The following PBLD variants were observed in gnomAD, a reference collection of about 807,000 sequenced individuals.
PBLD encodes the protein phenazine biosynthesis like protein domain containing.
Under a neutral mutation model 31.3 loss-of-function variants are expected in PBLD, and 26 were observed. That is an observed-to-expected ratio of 0.83 (90% CI 0.61 to 1.15). The LOEUF (loss-of-function observed/expected upper bound fraction) is 1.15. Among genes scored for constraint, PBLD ranks in the 50% most tolerant of loss-of-function variants. PBLD has a pLI of 0.00. For synonymous variants in PBLD, 114 were observed against 129.0 expected, an observed-to-expected ratio of 0.88 and a Z score of 0.79; for missense variants, 307 against 351.7, an observed-to-expected ratio of 0.87 and a Z score of 1.02.
intron 1 of PBLD, among the ~76,000 whole-genome samples, chr10:68,311,362 G>A (rs1332500006): frequency 1.3e-5 from 2 of 152,090 alleles, no homozygotes; most frequent in Non-Finnish European, 2.9e-5. Context: ...TGAGGCAGGT[G>A]GATCACAAGG....
At chr10:68,324,156 CTTTTT>C (rs200031349) in intron 1 of PBLD, among the ~76,000 whole-genome samples, 1 of 146,226 alleles carries the variant, frequency 6.8e-6, no homozygotes, top group Non-Finnish European at 1.5e-5. Context: ...TCCTAATTTT[CTTTTT>C]TTTTTTTGAG....
chr10:68,309,852 T>C (rs1398434558), intron 1 of PBLD, among the ~76,000 whole-genome samples: 1 of 147,784 alleles, frequency 6.8e-6, no homozygotes, highest in African/African-American at 2.5e-5. Context: ...TATAAATATG[T>C]AGGCCAGGCA....
At chr10:68,284,607 G>A (rs1201074536) in intron 9 of PBLD, among the ~76,000 whole-genome samples, 1 of 152,166 alleles carries the variant, frequency 6.6e-6, no homozygotes, top group Non-Finnish European at 1.5e-5. Context: ...CTCTCTAGGA[G>A]TAAGCAAAGA....
intron 8 of PBLD, among the ~76,000 whole-genome samples, chr10:68,286,008 C>T (rs1324975681): frequency 2.0e-5 from 3 of 151,502 alleles, no homozygotes; most frequent in South Asian, 2.1e-4. Flanking sequence ...CTGAATTAGA[C>T]TGCAGGTTTT....
intron 4 of PBLD, chr10:68,295,920 C>A: frequency 6.3e-6 from 1 of 159,766 alleles, no homozygotes; most frequent in East Asian, 1.8e-4. Context: ...AAGATCGTGC[C>A]ATTGCTCTCC....
chr10:68,285,514 C>G, intron 8 of PBLD, 104 bp from the exon 9 acceptor site: 1 of 1,442,934 alleles, frequency 6.9e-7, no homozygotes, highest in Non-Finnish European at 9.2e-7. Flanking sequence ...TGAATAAACT[C>G]TAGATCACCT....
In PBLD at chr10:68,305,164, A is replaced by T. The variant is rs181403547; in HGVS notation, c.84+1597T>A. Among the ~76,000 whole-genome samples the T allele has an allele frequency of 1.1e-4, 16 of 152,280 alleles. No individual in the cohort carries two copies. In the East Asian group the frequency reaches 2.7e-3, roughly 26 times the overall value. ...CACTTGAATCCAGGAGTTTGAGACC[A>T]GCCTGCTCAATTTAGCGAGACCACA... is the stretch of plus-strand genomic sequence containing the variant. On this transcript the variant is annotated intron_variant, in intron 2 of 9. Coordinates refer to ENST00000358769, the MANE Select transcript of PBLD (RefSeq NM_022129.4).
rs2045269199 is a variant in PBLD, at chr10:68,332,871, A to G, written c.-147T>C. 1 of 152,442 alleles carries G rather than the reference A, an allele frequency of 6.6e-6. No individual in the cohort carries two copies. The highest frequency in any genetic ancestry group is 6.5e-5 in the Admixed American group (1 of 15,304). The allele number at this position is 152,442 out of a possible 1,614,324, so 9.4% of individuals were successfully genotyped here. On this transcript the variant is annotated 5_prime_UTR_variant, in exon 1 of 10. Coordinates refer to ENST00000358769, the MANE Select transcript of PBLD (RefSeq NM_022129.4). ...TGGGGGAGGAAAGCCAATGGCGACG[A>G]AGGTGCTCAACTCCCAAATCCAGGA... is the stretch of plus-strand genomic sequence containing the variant.
At chr10:68,316,186 G>T (rs530591967) in intron 1 of PBLD, among the ~76,000 whole-genome samples, 85 of 152,268 alleles carry the variant, frequency 5.6e-4, no homozygotes, top group African/African-American at 2.0e-3. Flanking sequence ...CATTAAATCA[G>T]CTGTAGTTAA....
intron 1 of PBLD, among the ~76,000 whole-genome samples, chr10:68,324,600 C>T (rs1031575411): frequency 5.5e-5 from 8 of 146,522 alleles, no homozygotes; most frequent in South Asian, 2.2e-4. Flanking sequence ...ATCTACCCTC[C>T]ACACTTTATT....
Position 68,310,365 on chromosome 10 carries a change from G to GTATATATATATATATATA in PBLD, c.-59-3480_-59-3463dup, listed in dbSNP as rs34887418. ...ATCATGTACAATATAATGTTTTGAA[G>GTATATATATATATATATA]TATATATATATATATATATACACAT... On this transcript the variant is annotated intron_variant, in intron 1 of 9. Transcript: ENST00000358769. Among the ~76,000 whole-genome samples the GTATATATATATATATATA allele has an allele frequency of 1.2e-3, 174 of 140,322 alleles. 2 individuals carry two copies. Among genetic ancestry groups the GTATATATATATATATATA allele is most frequent in the African/African-American group, 1.9e-3 (72 of 38,070 alleles). 92.1% of individuals were successfully genotyped at this position (140,322 alleles called of 152,430 possible).
chr10:68,289,060 G>T, intron 6 of PBLD, 41 bp from the exon 7 acceptor site: 2 of 1,489,522 alleles, frequency 1.3e-6, no homozygotes, highest in South Asian at 2.3e-5. Context: ...ACATGCCCTG[G>T]GCCAAGTCCT....
intron 4 of PBLD, among the ~76,000 whole-genome samples, chr10:68,294,663 G>A (rs1564726922): frequency 6.6e-6 from 1 of 152,194 alleles, no homozygotes; most frequent in Non-Finnish European, 1.5e-5. Context: ...CACGGATTTG[G>A]CCTAGGCCTT....
chr10:68,285,173 G>A lies in PBLD; in HGVS notation c.754+175C>T. ...TCTCTGTATGTTGGGGGAGGCAGAGGTGAAGGCTGTTTGGGGTGGAGGATC... is the reference window on the plus strand; with the variant it reads ...TCTCTGTATGTTGGGGGAGGCAGAGATGAAGGCTGTTTGGGGTGGAGGATC... On this transcript the variant is annotated intron_variant, in intron 9 of 9. Coordinates refer to ENST00000358769, the MANE Select transcript of PBLD (RefSeq NM_022129.4). The A allele has an allele frequency of 2.7e-6, 4 of 1,460,452 alleles. No individual in the cohort carries two copies. In the South Asian group the frequency reaches 4.4e-5, roughly 16 times the overall value. The allele number at this position is 1,460,452 out of a possible 1,614,324, so 90.5% of individuals were successfully genotyped here.
chr10:68,315,260 C>G (rs1237433774), intron 1 of PBLD, among the ~76,000 whole-genome samples: 2 of 152,064 alleles, frequency 1.3e-5, no homozygotes, highest in African/African-American at 4.8e-5. Flanking sequence ...TAAGGAATAG[C>G]AAGGGAATGA....
chr10:68,319,512 G>A (rs1043604855), intron 1 of PBLD, among the ~76,000 whole-genome samples: 2 of 152,046 alleles, frequency 1.3e-5, no homozygotes, highest in African/African-American at 2.4e-5. Flanking sequence ...GTGAAACCCC[G>A]TCTCTACTAA....
At chr10:68,324,128 AC>A (rs2044877125) in intron 1 of PBLD, among the ~76,000 whole-genome samples, 1 of 150,694 alleles carries the variant, frequency 6.6e-6, no homozygotes, top group South Asian at 2.1e-4. Flanking sequence ...CAAGCACTAA[AC>A]CCTGCTGATA....
At chr10:68,322,525 ATG>A (rs2044851943) in intron 1 of PBLD, among the ~76,000 whole-genome samples, 1 of 151,082 alleles carries the variant, frequency 6.6e-6, no homozygotes, top group Non-Finnish European at 1.5e-5. Flanking sequence ...AAAAACAGGC[ATG>A]GTGGCACACA....
intron 1 of PBLD, among the ~76,000 whole-genome samples, chr10:68,329,874 G>A (rs1185000942): frequency 6.6e-6 from 1 of 152,090 alleles, no homozygotes; most frequent in Non-Finnish European, 1.5e-5. Flanking sequence ...CCTGGCCCTT[G>A]GGTAAAACCC....
Sources: gnomAD v4.1 joint callset for allele counts (sites outside exome capture counted in the v4.1 genomes callset) on GRCh38, gnomAD v4.1.1 for gene constraint, MANE v1.5 for transcripts, NCBI Gene and HGNC (gene_info 2026-07-23, HGNC 2026-07-21) for gene names.